CCNE2: variants seen among roughly 807,000 people sequenced by gnomAD.
The protein encoded by CCNE2 is cyclin E2.
A neutral mutation model predicts 56.8 loss-of-function variants in CCNE2; 18 were observed. The observed-to-expected ratio is 0.32, with a 90% CI of 0.22 to 0.47. CCNE2 has a LOEUF of 0.47. Ranked by LOEUF, CCNE2 falls within the 20% of genes least tolerant of loss-of-function variation. The pLI, the probability that CCNE2 is intolerant of heterozygous loss-of-function variation, is 1.00. For missense variants in CCNE2, 371 were observed against 467.1 expected (o/e 0.79, Z 1.90); for synonymous variants, 139 against 149.2 (o/e 0.93, Z 0.50).
intron 4 of CCNE2, 136 bp downstream of exon 4, chr8:94,893,755 T>C (rs142505724): frequency 2.6e-4 from 227 of 868,398 alleles, no homozygotes; most frequent in Admixed American, 4.8e-4. Flanking sequence ...GATAGGCGCC[T>C]TCCTGCTGAC....
Position 94,892,780 on chromosome 8 carries a change from T to TTA in CCNE2, c.317+36_317+37dup, listed in dbSNP as rs559826492. ...TGCCATGTATTAAATCAGCACAACTTTATATCTTTGAAATAAAATTACTGA... is the reference window on the plus strand; with the variant it reads ...TGCCATGTATTAAATCAGCACAACTTTATATATCTTTGAAATAAAATTACTGA... On this transcript the variant is annotated intron_variant, in intron 5 of 11. Transcript: ENST00000308108. 5.2e-4 allele frequency: 618 copies of TTA among 1,190,010 alleles called. 5 individuals are homozygous for TTA. The South Asian group carries it at 0.01, about 20-fold the overall frequency. 73.7% of individuals were successfully genotyped at this position (1,190,010 alleles called of 1,614,324 possible). A position where few individuals can be genotyped will look rare whatever the true frequency, so the allele number is the denominator to read the frequency against.
intron 6 of CCNE2, among the ~76,000 whole-genome samples, chr8:94,889,889 A>G (rs1392899820): frequency 6.6e-6 from 1 of 152,220 alleles, no homozygotes; most frequent in East Asian, 1.9e-4. Context: ...TATTCCTTTA[A>G]ATTAATGGTA....
rs141409772 is a variant in CCNE2, at chr8:94,893,912, C to T, written c.144G>A (p.Lys48=). The T allele has an allele frequency of 6.2e-7, 1 of 1,607,440 alleles. No individual in the cohort carries two copies. Among genetic ancestry groups the T allele is most frequent in the South Asian group, 1.1e-5 (1 of 90,968 alleles). Residue 48 remains lysine, a synonymous_variant, in exon 4 of 12, where the codon AAG becomes AAA. Transcript: ENST00000308108. ...DVKKRREEVT[K]KHQYEIRNCW... ...TTACCCTAATTTCATACTGATGTTT[C>T]TTGGTGACCTCCTCTCTTCTTTTTT...
rs978978704 is a variant in CCNE2, at chr8:94,883,658, A to G, written c.832-766T>C. ...GGCTGATTCTTGAAGCTACTGGAAG[A>G]TTTTTAAATCAAAGTTCCATTTTAA... On this transcript the variant is annotated intron_variant, in intron 9 of 11. Coordinates refer to ENST00000308108, the MANE Select transcript of CCNE2 (RefSeq NM_057749.3). The G allele has an allele frequency of 2.1e-5, 5 of 238,232 alleles. No homozygotes were observed. In the East Asian group the frequency reaches 4.3e-4, roughly 21 times the overall value. The allele number at this position is 238,232 out of a possible 1,614,324, so 14.8% of individuals were successfully genotyped here. A position where few individuals can be genotyped will look rare whatever the true frequency, so the allele number is the denominator to read the frequency against.
intron 7 of CCNE2, among the ~76,000 whole-genome samples, chr8:94,887,101 T>A (rs569028846): frequency 2.6e-5 from 4 of 152,198 alleles, no homozygotes; most frequent in Non-Finnish European, 5.9e-5. Context: ...AAGTCTTAGA[T>A]GAAAGTATTG....
In CCNE2 at chr8:94,885,189, C is replaced by T. The variant is rs549362026; in HGVS notation, c.709G>A (p.Glu237Lys). ...GAGATGATTGTTACAGGACAAAGTT[C>T]CCATTTTAAAGCCTATTAAACAAAA... ...ELIILKALKW[E>K]LCPVTIISWL... Residue 237 changes from glutamate (E) to lysine (K), a missense_variant, in exon 9 of 12, where the codon GAA becomes AAA. Coordinates refer to ENST00000308108, the MANE Select transcript of CCNE2 (RefSeq NM_057749.3). 1.2e-6 allele frequency: 2 copies of T among 1,613,510 alleles called. No individual in the cohort carries two copies. Among genetic ancestry groups the T allele is most frequent in the Admixed American group, 1.7e-5 (1 of 59,992 alleles).
At chr8:94,892,014 A>G in intron 5 of CCNE2, 1 of 841,308 alleles carries the variant, frequency 1.2e-6, no homozygotes, top group Non-Finnish European at 2.0e-6. Flanking sequence ...GTGAAAAGGA[A>G]CAAATTGTTC....
intron 9 of CCNE2, among the ~76,000 whole-genome samples, chr8:94,884,410 G>A (rs1294991568): frequency 2.7e-5 from 4 of 150,290 alleles, no homozygotes; most frequent in Non-Finnish European, 5.9e-5. Flanking sequence ...GCAGTAGTGC[G>A]ATCTCGGCTC....
intron 5 of CCNE2, chr8:94,891,223 G>T: frequency 5.9e-6 from 1 of 168,416 alleles, no homozygotes. Context: ...TAAGTGGTCT[G>T]AAGTAATCTG....
At chr8:94,887,228 G>A (rs1416910556) in intron 7 of CCNE2, among the ~76,000 whole-genome samples, 5 of 152,136 alleles carry the variant, frequency 3.3e-5, no homozygotes, top group African/African-American at 4.8e-5. Context: ...TAGGCTGGCC[G>A]GGTGCGGTGG....
At chr8:94,885,381 A>G in intron 8 of CCNE2, 82 bp downstream of exon 8, 1 of 1,081,876 alleles carries the variant, frequency 9.2e-7, no homozygotes, top group Non-Finnish European at 1.4e-6. Flanking sequence ...ACATTGTAGT[A>G]TTTGAGATTC....
chr8:94,889,162 A>T (rs1317947498), intron 6 of CCNE2, among the ~76,000 whole-genome samples: 2 of 152,176 alleles, frequency 1.3e-5, no homozygotes, highest in African/African-American at 4.8e-5. Context: ...AAAAAAAAAA[A>T]GAATGTCGAA....
Position 94,882,819 on chromosome 8 carries a change from C to T in CCNE2, c.905G>A (p.Cys302Tyr). The stretch of plus-strand genomic sequence containing the variant: ...AACCACTTCAATGGAGGTAAAATGG[C>T]ACAAGGCAGCAGCAGTCAGTATTCT... ...QYRILTAAAL[C>Y]HFTSIEVVKK... is the part of the protein sequence containing the mutation. Residue 302 changes from cysteine to tyrosine, a missense_variant, in exon 10 of 12, where the codon TGC (cysteine) becomes TAC (tyrosine). Physicochemically the swap from Cys to Tyr is radical, Grantham distance 194. Transcript: ENST00000308108. 4 of 1,613,866 alleles carry T rather than the reference C, an allele frequency of 2.5e-6. No homozygotes were observed. Among genetic ancestry groups the T allele is most frequent in the Non-Finnish European group, 2.5e-6 (3 of 1,179,846 alleles).
At chr8:94,883,816 A>T in intron 9 of CCNE2, 1 of 453,030 alleles carries the variant, frequency 2.2e-6, no homozygotes, top group South Asian at 1.6e-5. Flanking sequence ...GGTATAGTGT[A>T]AAAGGGGTAG....
intron 8 of CCNE2, 86 bp downstream of exon 8, chr8:94,885,377 T>C: frequency 9.3e-7 from 1 of 1,071,516 alleles, no homozygotes; most frequent in Admixed American, 2.2e-5. Flanking sequence ...TTTTACATTG[T>C]AGTATTTGAG....
chr8:94,885,796 G>T (rs1339027351), intron 7 of CCNE2, among the ~76,000 whole-genome samples: 2 of 137,728 alleles, frequency 1.5e-5, no homozygotes, highest in African/African-American at 5.6e-5. Flanking sequence ...TTGGCTCACT[G>T]CAACTTCCAC....
intron 7 of CCNE2, among the ~76,000 whole-genome samples, chr8:94,885,893 A>AT (rs1032430543): frequency 8.6e-5 from 13 of 151,434 alleles, no homozygotes; most frequent in Non-Finnish European, 1.8e-4. Flanking sequence ...TATTTTTTGC[A>AT]TTTTCAGGAG....
upstream of CCNE2, chr8:94,895,275 C>A: frequency 1.0e-6 from 1 of 985,332 alleles, no homozygotes; most frequent in Non-Finnish European, 1.2e-6. Context: ...CAGACTGACA[C>A]CTCCGGACAG....
intron 5 of CCNE2, chr8:94,891,956 G>A (rs977309939): frequency 1.3e-5 from 14 of 1,100,640 alleles, no homozygotes; most frequent in Admixed American, 3.4e-5. Context: ...GCTCATGGTC[G>A]GATTAACTCA....
Sources: gnomAD v4.1 joint callset for allele counts (sites outside exome capture counted in the v4.1 genomes callset) on GRCh38, gnomAD v4.1.1 for gene constraint, MANE v1.5 for transcripts, NCBI Gene and HGNC (gene_info 2026-07-23, HGNC 2026-07-21) for gene names.